RABGAP1L: variants seen among roughly 807,000 people sequenced by gnomAD.
RABGAP1L encodes RAB GTPase activating protein 1 like.
RABGAP1L carries 63 observed loss-of-function variants against 137.7 expected under a neutral mutation model. The observed-to-expected ratio is 0.46, with a 90% CI of 0.37 to 0.56. RABGAP1L has a LOEUF of 0.56. Among genes scored for constraint, RABGAP1L ranks in the 20% least tolerant of loss-of-function variants. RABGAP1L has a pLI of 0.00. For missense variants in RABGAP1L, 1,095 were observed against 1,244.0 expected (o/e 0.88, Z 1.80); for synonymous variants, 431 against 433.7 (o/e 0.99, Z 0.08).
At chr1:174,627,185 G>A (rs1157170585) in intron 13 of RABGAP1L, among the ~76,000 whole-genome samples, 1 of 152,150 alleles carries the variant, frequency 6.6e-6, no homozygotes, top group African/African-American at 2.4e-5. Context: ...GCAAATCAAG[G>A]TACACAGTGT....
At position 174,293,379 on chromosome 1, in the gene RABGAP1L, A is replaced by G. The variant is rs937568249; in HGVS notation, c.1324-11607A>G. 2.0e-5 allele frequency among the ~76,000 whole-genome samples: 3 copies of G among 152,170 alleles called. No individual in the cohort carries two copies. The South Asian group carries it at 6.2e-4, about 31-fold the overall frequency. ...CTGATCCATGAAGAGCACTCTGCTCATATGGGGTTATTTGAAAACTGTTTG... is the reference window on the plus strand; with the variant it reads ...CTGATCCATGAAGAGCACTCTGCTCGTATGGGGTTATTTGAAAACTGTTTG... On this transcript the variant is annotated intron_variant, in intron 10 of 25. Coordinates refer to ENST00000681986, the MANE Select transcript of RABGAP1L (RefSeq NM_001366446.1).
At chr1:174,414,508 A>C (rs1426316678) in intron 13 of RABGAP1L, among the ~76,000 whole-genome samples, 1 of 152,026 alleles carries the variant, frequency 6.6e-6, no homozygotes, top group African/African-American at 2.4e-5. Context: ...TAATGAGAGA[A>C]ACTGTGTTCT....
intron 18 of RABGAP1L, among the ~76,000 whole-genome samples, chr1:174,776,531 G>A (rs115598777): frequency 1.3e-5 from 2 of 152,148 alleles, no homozygotes; most frequent in African/African-American, 2.4e-5. Flanking sequence ...GGCCAATTTT[G>A]ATTTCTTTTG....
chr1:174,962,409 C>T (rs1669235516), intron 20 of RABGAP1L, among the ~76,000 whole-genome samples: 1 of 152,060 alleles, frequency 6.6e-6, no homozygotes, highest in Admixed American at 6.5e-5. Context: ...GAATGTTTAA[C>T]CTCATTCTTG....
At chr1:174,656,672 A>G (rs1675997838) in intron 14 of RABGAP1L, among the ~76,000 whole-genome samples, 1 of 152,060 alleles carries the variant, frequency 6.6e-6, no homozygotes, top group African/African-American at 2.4e-5. Flanking sequence ...GTCTGGTGAT[A>G]TTATTGTTTG....
At chr1:174,764,424 C>T (rs6673649) in intron 18 of RABGAP1L, among the ~76,000 whole-genome samples, 11,922 of 152,182 alleles carry the variant, frequency 0.078, 648 homozygotes, top group East Asian at 0.31. Flanking sequence ...TCCCCCGTGG[C>T]AACGTATAAG....
intron 13 of RABGAP1L, among the ~76,000 whole-genome samples, chr1:174,439,681 G>A (rs532213345): frequency 6.6e-6 from 1 of 152,134 alleles, no homozygotes; most frequent in Non-Finnish European, 1.5e-5. Flanking sequence ...GCTTTTTCTT[G>A]TGAAGTTTGT....
At chr1:174,725,378 G>A (rs1358897611) in intron 17 of RABGAP1L, among the ~76,000 whole-genome samples, 1 of 152,186 alleles carries the variant, frequency 6.6e-6, no homozygotes, top group African/African-American at 2.4e-5. Context: ...AATACGTAGT[G>A]TGAAGGTTGA....
chr1:174,635,535 AC>A (rs1391175827), intron 13 of RABGAP1L, among the ~76,000 whole-genome samples: 6 of 151,934 alleles, frequency 3.9e-5, no homozygotes, highest in African/African-American at 1.5e-4. Flanking sequence ...CTTATTCTAT[AC>A]CCCCACCCCA....
intron 4 of RABGAP1L, among the ~76,000 whole-genome samples, chr1:174,238,169 C>A (rs1188755377): frequency 6.6e-6 from 1 of 152,020 alleles, no homozygotes; most frequent in Non-Finnish European, 1.5e-5. Flanking sequence ...GTTATACATT[C>A]TTCTAAATTT....
intron 13 of RABGAP1L, among the ~76,000 whole-genome samples, chr1:174,399,235 G>C (rs1648250664): frequency 6.6e-6 from 1 of 152,020 alleles, no homozygotes; most frequent in Admixed American, 6.6e-5. Context: ...CACTGTCCTT[G>C]GGGTAGCAAT....
At chr1:174,969,531 C>T (rs1213412021) in intron 21 of RABGAP1L, 144 bp downstream of exon 21, 5 of 645,418 alleles carry the variant, frequency 7.7e-6, no homozygotes, top group Admixed American at 2.7e-5. Flanking sequence ...AATTGGAGAC[C>T]ATGGAAAACA....
intron 11 of RABGAP1L, among the ~76,000 whole-genome samples, chr1:174,343,989 A>T (rs1682212818): frequency 6.6e-6 from 1 of 152,248 alleles, no homozygotes; most frequent in East Asian, 1.9e-4. Flanking sequence ...CTGGCCATTT[A>T]GGCCTGTTTC....
intron 11 of RABGAP1L, among the ~76,000 whole-genome samples, chr1:174,364,464 C>T (rs961697893): frequency 4.6e-5 from 7 of 150,912 alleles, no homozygotes; most frequent in Admixed American, 1.3e-4. Context: ...CCGTTTTAGC[C>T]GGGATGGTCT....
intron 1 of RABGAP1L, among the ~76,000 whole-genome samples, chr1:174,201,655 T>C (rs6684470): frequency 6.6e-6 from 1 of 151,816 alleles, no homozygotes; most frequent in Non-Finnish European, 1.5e-5. Flanking sequence ...TTTTTTTTTC[T>C]TTTTTTTAAT....
intron 11 of RABGAP1L, among the ~76,000 whole-genome samples, chr1:174,309,377 G>A (rs577982677): frequency 1.1e-4 from 16 of 152,034 alleles, no homozygotes; most frequent in African/African-American, 3.9e-4. Context: ...CTTTGGCCAG[G>A]ACTCATTACT....
intron 19 of RABGAP1L, among the ~76,000 whole-genome samples, chr1:174,930,263 C>T (rs943488310): frequency 4.6e-5 from 7 of 151,960 alleles, no homozygotes; most frequent in African/African-American, 1.4e-4. Context: ...TCTAGCAATC[C>T]TCCTGCCTCA....
intron 19 of RABGAP1L, among the ~76,000 whole-genome samples, chr1:174,880,738 C>T (rs1038525487): frequency 3.3e-5 from 5 of 151,836 alleles, no homozygotes; most frequent in African/African-American, 1.2e-4. Flanking sequence ...ACTACAAGTG[C>T]ACATCACTGC....
intron 7 of RABGAP1L, among the ~76,000 whole-genome samples, chr1:174,260,586 C>T (rs1673501411): frequency 6.6e-6 from 1 of 152,150 alleles, no homozygotes; most frequent in African/African-American, 2.4e-5. Context: ...TGAGGTCAGG[C>T]TCTTCTGGTG....
Sources: gnomAD v4.1 joint callset for allele counts (sites outside exome capture counted in the v4.1 genomes callset) on GRCh38, gnomAD v4.1.1 for gene constraint, MANE v1.5 for transcripts, NCBI Gene and HGNC (gene_info 2026-07-23, HGNC 2026-07-21) for gene names.